SNTG1: variants seen among roughly 807,000 people sequenced by gnomAD.
The protein encoded by SNTG1 is gamma-1-syntrophin.
SNTG1 carries 39 observed loss-of-function variants against 74.7 expected under a neutral mutation model. The ratio of observed to expected loss-of-function variants is 0.52; its 90% CI spans 0.40 to 0.68. SNTG1 has a LOEUF of 0.68. Among genes scored for constraint, SNTG1 ranks in the 30% least tolerant of loss-of-function variants. SNTG1 has a pLI of 0.00. For missense variants in SNTG1, 685 were observed against 609.5 expected, an observed-to-expected ratio of 1.12 and a Z score of -1.30; for synonymous variants, 254 against 217.1, an observed-to-expected ratio of 1.17 and a Z score of -1.49.
At chr8:50,646,797 G>A (rs139452799) in intron 13 of SNTG1, among the ~76,000 whole-genome samples, 7 of 152,218 alleles carry the variant, frequency 4.6e-5, no homozygotes, top group South Asian at 2.1e-4. Flanking sequence ...CAGGAGGCTC[G>A]TATTATCCAA....
At chr8:49,997,071 T>C (rs1362929668) in intron 1 of SNTG1, among the ~76,000 whole-genome samples, 1 of 152,150 alleles carries the variant, frequency 6.6e-6, no homozygotes, top group Non-Finnish European at 1.5e-5. Context: ...ACTTACTTTG[T>C]CCTTTGAGAA....
chr8:49,972,437 A>G (rs1585719369), intron 1 of SNTG1, among the ~76,000 whole-genome samples: 1 of 152,226 alleles, frequency 6.6e-6, no homozygotes, highest in Admixed American at 6.5e-5. Flanking sequence ...AGGCAATACC[A>G]TTCAGGATAT....
intron 12 of SNTG1, among the ~76,000 whole-genome samples, chr8:50,571,444 C>T (rs1291661949): frequency 2.6e-5 from 4 of 152,182 alleles, no homozygotes; most frequent in East Asian, 3.8e-4. Context: ...GCTCAATAGA[C>T]GAGCTGTTTG....
intron 1 of SNTG1, among the ~76,000 whole-genome samples, chr8:49,964,063 C>T (rs1810931256): frequency 6.6e-6 from 1 of 152,186 alleles, no homozygotes; most frequent in Non-Finnish European, 1.5e-5. Context: ...AGTAGGCACT[C>T]AGTGTGATTG....
chr8:50,778,063 T>C (rs1354467026), intron 18 of SNTG1, among the ~76,000 whole-genome samples: 1 of 152,234 alleles, frequency 6.6e-6, no homozygotes. Context: ...TAGTATTCCA[T>C]GGTGTATATG....
At chr8:49,921,729 A>G (rs1396429310) in intron 1 of SNTG1, among the ~76,000 whole-genome samples, 2 of 152,134 alleles carry the variant, frequency 1.3e-5, no homozygotes, top group Non-Finnish European at 2.9e-5. Flanking sequence ...TCAACCAAAA[A>G]GATACACATA....
In SNTG1 at chr8:50,186,667, G is replaced by A. The variant is rs1266415971; in HGVS notation, c.-28+14032G>A. Reference sequence around the variant, plus strand: ...TCATATGTTTGTTGGCGGCATAAATGTCTTTTTTTTTGAGAAGTGTCTGTT... The same window carrying A: ...TCATATGTTTGTTGGCGGCATAAATATCTTTTTTTTTGAGAAGTGTCTGTT... On this transcript the variant is annotated intron_variant, in intron 2 of 18. Coordinates refer to ENST00000642720, the MANE Select transcript of SNTG1 (RefSeq NM_018967.5). Among the ~76,000 whole-genome samples, 3 of 151,490 alleles carry A rather than the reference G, an allele frequency of 2.0e-5. No homozygotes were observed. In the East Asian group the frequency reaches 5.8e-4, roughly 29 times the overall value.
At chr8:50,687,074 G>T (rs1243951089) in intron 15 of SNTG1, among the ~76,000 whole-genome samples, 1 of 150,978 alleles carries the variant, frequency 6.6e-6, no homozygotes, top group Non-Finnish European at 1.5e-5. Flanking sequence ...AGCGGAGCTT[G>T]CAGTGAGCCG....
intron 4 of SNTG1, among the ~76,000 whole-genome samples, chr8:50,410,857 C>T (rs1004711366): frequency 2.6e-5 from 4 of 152,154 alleles, no homozygotes; most frequent in African/African-American, 7.2e-5. Flanking sequence ...TTTCCTCTGG[C>T]TGCATTATAG....
At chr8:50,078,759 GTGT>G (rs1822131587) in intron 1 of SNTG1, among the ~76,000 whole-genome samples, 1 of 152,092 alleles carries the variant, frequency 6.6e-6, no homozygotes, top group Non-Finnish European at 1.5e-5. Context: ...TCCCTTCCCT[GTGT>G]CCATGTGTTC....
chr8:49,950,139 A>AT (rs1269473667), intron 1 of SNTG1, among the ~76,000 whole-genome samples: 1 of 152,136 alleles, frequency 6.6e-6, no homozygotes, highest in Non-Finnish European at 1.5e-5. Flanking sequence ...AAATCAATCA[A>AT]TAAAAAAAAA....
At chr8:50,391,709 T>G (rs2092663535) in intron 2 of SNTG1, among the ~76,000 whole-genome samples, 1 of 152,154 alleles carries the variant, frequency 6.6e-6, no homozygotes, top group African/African-American at 2.4e-5. Context: ...CCTGGATTTT[T>G]TTGGTTGGTA....
At chr8:50,584,609 T>A (rs1418317352) in intron 12 of SNTG1, among the ~76,000 whole-genome samples, 1 of 149,658 alleles carries the variant, frequency 6.7e-6, no homozygotes, top group Admixed American at 6.8e-5. Context: ...CCACACTAGC[T>A]CCTGAAAGAG....
At chr8:50,403,720 T>C (rs183408266) in intron 4 of SNTG1, among the ~76,000 whole-genome samples, 49 of 152,216 alleles carry the variant, frequency 3.2e-4, no homozygotes, top group Non-Finnish European at 6.6e-4. Flanking sequence ...AAATATCCTA[T>C]GGCATTTTCA....
intron 12 of SNTG1, among the ~76,000 whole-genome samples, chr8:50,558,628 G>C (rs1295243838): frequency 6.6e-6 from 1 of 151,190 alleles, no homozygotes; most frequent in Non-Finnish European, 1.5e-5. Context: ...GGGAAAGATG[G>C]CTGCAGTGTT....
intron 13 of SNTG1, among the ~76,000 whole-genome samples, chr8:50,602,241 T>C (rs1448696077): frequency 3.3e-5 from 5 of 152,094 alleles, no homozygotes; most frequent in African/African-American, 1.2e-4. Flanking sequence ...TTTTATCTGG[T>C]GGTATGATTT....
At chr8:50,306,787 C>A (rs1397847182) in intron 2 of SNTG1, among the ~76,000 whole-genome samples, 1 of 151,346 alleles carries the variant, frequency 6.6e-6, no homozygotes, top group East Asian at 1.9e-4. Context: ...AGATACTAGT[C>A]CTTTGTTGGA....
chr8:50,236,450 A>ACTT (rs371187425), intron 2 of SNTG1, among the ~76,000 whole-genome samples: 2 of 138,654 alleles, frequency 1.4e-5, no homozygotes, highest in Admixed American at 7.5e-5. Flanking sequence ...TTAATTGTAA[A>ACTT]TTTTTTTTTT....
intron 4 of SNTG1, among the ~76,000 whole-genome samples, chr8:50,416,874 GATA>G (rs1348529674): frequency 4.1e-5 from 5 of 121,994 alleles, no homozygotes; most frequent in East Asian, 2.4e-4. Context: ...CAAGCAGATA[GATA>G]CTTGTTCTGT....
Sources: gnomAD v4.1 joint callset for allele counts (sites outside exome capture counted in the v4.1 genomes callset) on GRCh38, gnomAD v4.1.1 for gene constraint, MANE v1.5 for transcripts, NCBI Gene and HGNC (gene_info 2026-07-23, HGNC 2026-07-21) for gene names.